Variants in RIMBP2 observed in about 807,000 individuals in gnomAD.
RIMBP2 encodes RIMS-binding protein 2.
RIMBP2 carries 48 observed loss-of-function variants against 118.6 expected under a neutral mutation model. The ratio of observed to expected loss-of-function variants is 0.40; its 90% CI spans 0.32 to 0.51. The LOEUF (loss-of-function observed/expected upper bound fraction) is 0.51, where lower values mean the gene tolerates loss of function less well. Ranked by LOEUF, RIMBP2 falls within the 20% of genes least tolerant of loss-of-function variation. The pLI, the probability that RIMBP2 is intolerant of heterozygous loss-of-function variation, is 0.41. For missense variants in RIMBP2, 1,551 were observed against 1,768.3 expected (o/e 0.88, Z 2.20); for synonymous variants, 762 against 742.9 (o/e 1.03, Z -0.42).
At chr12:130,570,223 A>C (rs967978667) in intron 2 of RIMBP2, among the ~76,000 whole-genome samples, 1 of 152,160 alleles carries the variant, frequency 6.6e-6, no homozygotes, top group Non-Finnish European at 1.5e-5. Context: ...TAGGAGTTTG[A>C]GATGAGCCTG....
At chr12:130,411,058 C>T (rs1048866506) in intron 19 of RIMBP2, among the ~76,000 whole-genome samples, 1 of 152,124 alleles carries the variant, frequency 6.6e-6, no homozygotes, top group Non-Finnish European at 1.5e-5. Flanking sequence ...AAATACTGCA[C>T]GTGTTTTGTT....
intron 2 of RIMBP2, among the ~76,000 whole-genome samples, chr12:130,588,843 C>T (rs1308486236): frequency 2.0e-5 from 3 of 152,210 alleles, no homozygotes; most frequent in African/African-American, 7.2e-5. Flanking sequence ...CATAATAGAG[C>T]TCACAGAAGT....
At chr12:130,602,157 AAAG>A (rs1344957019) in intron 2 of RIMBP2, among the ~76,000 whole-genome samples, 1 of 152,228 alleles carries the variant, frequency 6.6e-6, no homozygotes, top group Non-Finnish European at 1.5e-5. Context: ...AAAAAAGAAA[AAAG>A]AAATATTTAT....
intron 16 of RIMBP2, among the ~76,000 whole-genome samples, chr12:130,423,603 C>T (rs2076556387): frequency 1.5e-5 from 2 of 131,800 alleles, no homozygotes; most frequent in South Asian, 4.7e-4. Flanking sequence ...GTTCTGGAAA[C>T]TGTGGGCACA....
rs1201058192 is a variant in RIMBP2 at position 130,703,117 on chromosome 12, G to A, written c.-352+13105C>T. ...GTCACCAGGTCACTGCAGCAGGCCA[G>A]GGGTGGGATTCTTTGCCTGGCAGTT... On this transcript the variant is annotated intron_variant, in intron 1 of 22. Coordinates refer to ENST00000690449, the MANE Select transcript of RIMBP2 (RefSeq NM_001393629.1). The surrounding 1 kb of genome is among the most constrained non-coding windows in gnomAD (Gnocchi z 5.7). Among the ~76,000 whole-genome samples the A allele has an allele frequency of 6.6e-6, 1 of 152,126 alleles. No homozygotes were observed. Among genetic ancestry groups the A allele is most frequent in the Non-Finnish European group, 1.5e-5 (1 of 68,028 alleles).
chr12:130,582,178 G>A (rs2058527316), intron 2 of RIMBP2, among the ~76,000 whole-genome samples: 1 of 152,160 alleles, frequency 6.6e-6, no homozygotes, highest in African/African-American at 2.4e-5. Flanking sequence ...TACAGCAGAT[G>A]CCTTTACTCA....
In RIMBP2 at chr12:130,450,273, C is replaced by A; in HGVS notation, c.508G>T (p.Glu170Ter). 1 of 1,605,776 alleles carries A rather than the reference C, an allele frequency of 6.2e-7. No homozygotes were observed. The highest frequency in any genetic ancestry group is 8.5e-7 in the Non-Finnish European group (1 of 1,175,218). The change falls in exon 9 of 23, where the codon GAG (glutamate) becomes TAG (stop). Residue 170 changes from glutamate (E) to a stop codon, truncating the protein, a stop_gained. Transcript: ENST00000690449. LOFTEE classifies it high-confidence loss of function. This position sits in a 1 kb window ranked among gnomAD's most constrained non-coding sequence, Gnocchi z 4.8. ...SARCRSESDM[E>*]NERNSNTSKQ... ...GAGGTATTGGAATTCCGTTCATTCTCCATCTGTGAAAAAGGCAATGGGTGT... is the reference window on the plus strand; with the variant it reads ...GAGGTATTGGAATTCCGTTCATTCTACATCTGTGAAAAAGGCAATGGGTGT...
At chr12:130,406,295 GT>G in intron 20 of RIMBP2, 52 bp from the exon 21 acceptor site, 2 of 1,260,472 alleles carry the variant, frequency 1.6e-6, no homozygotes, top group Non-Finnish European at 2.3e-6. Context: ...AACAGTAGTA[GT>G]TTTTTAAAAA....
chr12:130,625,951 A>C lies in RIMBP2; in HGVS notation c.-217+2371T>G, dbSNP rs549434748. Among the ~76,000 whole-genome samples the C allele has an allele frequency of 1.1e-4, 16 of 152,306 alleles. No homozygotes were observed. The South Asian group carries it at 3.3e-3, about 32-fold the overall frequency. ...AAACACACTCTTTGAAAGTGTTCTT[A>C]ATGACACAATTTGTCTTTTTAGGGC... On this transcript the variant is annotated intron_variant, in intron 2 of 22. Coordinates refer to ENST00000690449, the MANE Select transcript of RIMBP2 (RefSeq NM_001393629.1).
At chr12:130,691,887 C>G (rs1157530843) in intron 1 of RIMBP2, among the ~76,000 whole-genome samples, 1 of 152,088 alleles carries the variant, frequency 6.6e-6, no homozygotes, top group African/African-American at 2.4e-5. Context: ...CTTGTGGAGG[C>G]CCTGGGTGGT....
intron 2 of RIMBP2, among the ~76,000 whole-genome samples, chr12:130,591,479 T>C (rs1034844523): frequency 2.0e-5 from 3 of 151,980 alleles, no homozygotes; most frequent in Non-Finnish European, 2.9e-5. Context: ...ACTCACCGAG[T>C]GACTTAGAAC....
intron 19 of RIMBP2, among the ~76,000 whole-genome samples, chr12:130,410,665 C>T (rs1385689399): frequency 6.6e-6 from 1 of 152,140 alleles, no homozygotes; most frequent in African/African-American, 2.4e-5. Context: ...AATCAGTGGA[C>T]TCCATATGTG....
intron 1 of RIMBP2, among the ~76,000 whole-genome samples, chr12:130,684,316 C>T (rs1189175136): frequency 1.3e-5 from 2 of 152,206 alleles, no homozygotes; most frequent in African/African-American, 4.8e-5. Flanking sequence ...TCCATGTCTC[C>T]CAAAAATGTA....
At chr12:130,627,297 C>A (rs887873203) in intron 2 of RIMBP2, among the ~76,000 whole-genome samples, 2 of 152,254 alleles carry the variant, frequency 1.3e-5, no homozygotes, top group Non-Finnish European at 2.9e-5. Flanking sequence ...ACAGTCAGTG[C>A]CACCAGTGCC....
intron 5 of RIMBP2, among the ~76,000 whole-genome samples, chr12:130,471,387 C>T (rs6486543): frequency 1 from 152,313 of 152,318 alleles, 76,154 homozygotes; most frequent in Middle Eastern, 1. Context: ...CATCAAACAC[C>T]GTTATTTCTT....
chr12:130,544,014 T>G (rs1593733331), intron 2 of RIMBP2, among the ~76,000 whole-genome samples: 2 of 152,232 alleles, frequency 1.3e-5, no homozygotes, highest in African/African-American at 4.8e-5. Context: ...ATCACTCATC[T>G]TGGTTTCTGG....
At chr12:130,693,295 C>T (rs2065418788) in intron 1 of RIMBP2, among the ~76,000 whole-genome samples, 1 of 152,172 alleles carries the variant, frequency 6.6e-6, no homozygotes, top group Admixed American at 6.5e-5. Flanking sequence ...GGCACAGGGC[C>T]ATCTCTCACT....
At chr12:130,406,984 C>T (rs1386935394) in intron 20 of RIMBP2, among the ~76,000 whole-genome samples, 1 of 152,172 alleles carries the variant, frequency 6.6e-6, no homozygotes, top group Non-Finnish European at 1.5e-5. Context: ...CGGGCTGCAG[C>T]CCCAAAGCAG....
At chr12:130,432,277 C>T (rs1019401701) in intron 14 of RIMBP2, 8 of 456,578 alleles carry the variant, frequency 1.8e-5, no homozygotes, top group East Asian at 7.0e-5. Context: ...AGACCATCTG[C>T]GTAATCATGG....
Sources: allele counts gnomAD v4.1 joint callset (sites outside exome capture counted in the v4.1 genomes callset), GRCh38; gene constraint gnomAD v4.1.1; non-coding constraint Gnocchi (gnomAD v3.1); transcripts MANE v1.5; gene names NCBI Gene and HGNC (gene_info 2026-07-23, HGNC 2026-07-21).